UGT2B17: variants seen among roughly 807,000 people sequenced by gnomAD.
The protein encoded by UGT2B17 is UDP glucuronosyltransferase family 2 member B17.
Under a neutral mutation model 48.2 loss-of-function variants are expected in UGT2B17, and 21 were observed. That is an observed-to-expected ratio of 0.44 (90% CI 0.31 to 0.63). The LOEUF is 0.63. Among genes scored for constraint, UGT2B17 ranks in the 20% least tolerant of loss-of-function variants. The probability of loss-of-function intolerance (pLI) is 0.08; values close to 1 mark genes in which losing one functional copy is unlikely to be tolerated. For missense variants in UGT2B17, 402 were observed against 696.1 expected (o/e 0.58, Z 4.75); for synonymous variants, 146 against 238.4 (o/e 0.61, Z 3.57).
rs1242835572 is a variant in UGT2B17 at position 68,537,324 on chromosome 4, G to A, written c.*301C>T. The A allele has an allele frequency of 6.6e-5, 11 of 167,550 alleles. 4 individuals carry two copies. The South Asian group carries it at 2.8e-3, about 43-fold the overall frequency. 10.4% of individuals were successfully genotyped at this position (167,550 alleles called of 1,614,324 possible). ...TGTTTTGTGTTCAAATACAATGTGT[G>A]AAACATAAGGAAGCTCAGTAACTTT... On this transcript the variant is annotated 3_prime_UTR_variant, in exon 7 of 7. Coordinates refer to ENST00000317746, the MANE Select transcript of UGT2B17 (RefSeq NM_001077.4).
chr4:68,559,339 A>G lies in UGT2B17; in HGVS notation c.1005+1198T>C, dbSNP rs1166049191. On this transcript the variant is annotated intron_variant, in intron 4 of 6. Transcript: ENST00000317746. ...CTAACAATGTAGGAAAAAGGAGCCCATTGACAATTCATGATTAACAATACA... is the reference window on the plus strand; with the variant it reads ...CTAACAATGTAGGAAAAAGGAGCCCGTTGACAATTCATGATTAACAATACA... Among the ~76,000 whole-genome samples, 13 of 126,254 alleles carry G rather than the reference A, an allele frequency of 1.0e-4. 4 individuals carry two copies. Among genetic ancestry groups the G allele is most frequent in the East Asian group, 7.7e-4 (1 of 1,306 alleles). 82.8% of individuals were successfully genotyped at this position (126,254 alleles called of 152,430 possible). A position where few individuals can be genotyped will look rare whatever the true frequency, so the allele number is the denominator to read the frequency against.
At position 68,539,616 on chromosome 4, in the gene UGT2B17, A is replaced by G. The variant is rs189416420; in HGVS notation, c.1314-1712T>C. The stretch of plus-strand genomic sequence containing the variant: ...TTTTTAAAAAATATTTTTTATTTTA[A>G]AGAATCAGAGATTGTTTTTAGTTAT... On this transcript the variant is annotated intron_variant, in intron 6 of 6. Transcript: ENST00000317746. Among the ~76,000 whole-genome samples the G allele has an allele frequency of 7.8e-3, 972 of 123,942 alleles. 222 individuals are homozygous for G. Among genetic ancestry groups the G allele is most frequent in the Non-Finnish European group, 0.012 (718 of 59,130 alleles). The allele number at this position is 123,942 out of a possible 152,430, so 81.3% of individuals were successfully genotyped here.
rs77160940 is a variant in UGT2B17, at chr4:68,575,558, T to C, written c.-65+393A>G. Among the ~76,000 whole-genome samples the C allele has an allele frequency of 8.8e-5, 11 of 125,714 alleles. 2 individuals carry two copies. The highest frequency in any genetic ancestry group is 3.0e-4 in the African/African-American group (11 of 36,590). The allele number at this position is 125,714 out of a possible 152,430, so 82.5% of individuals were successfully genotyped here. A position where few individuals can be genotyped will look rare whatever the true frequency, so the allele number is the denominator to read the frequency against. On this transcript the variant is annotated intron_variant, in intron 1 of 6. Transcript: ENST00000317746. ...TACTTTGTGCCTGATCTATGTTTTT[T>C]TGAGACAAAACACCATGCTCACAGC...
At chr4:68,564,092 A>G (rs911375623) in intron 3 of UGT2B17, among the ~76,000 whole-genome samples, 4 of 123,562 alleles carry the variant, frequency 3.2e-5, no homozygotes, top group Admixed American at 8.4e-5. Flanking sequence ...AAAAGTAGTC[A>G]TGATTGCCTA....
chr4:68,553,503 T>C lies in UGT2B17; in HGVS notation c.1006-1592A>G, dbSNP rs1250283642. Reference sequence around the variant, plus strand: ...GGTGCTCTGTTTTCTTTGTGGAGTTTCAAGAGTTGTGGGCAGATTTTTTCT... The same window carrying C: ...GGTGCTCTGTTTTCTTTGTGGAGTTCCAAGAGTTGTGGGCAGATTTTTTCT... On this transcript the variant is annotated intron_variant, in intron 4 of 6. Transcript: ENST00000317746. Among the ~76,000 whole-genome samples the C allele has an allele frequency of 5.6e-5, 7 of 125,944 alleles. 2 individuals carry two copies. The highest frequency in any genetic ancestry group is 1.1e-4 in the African/African-American group (4 of 37,026). 82.6% of individuals were successfully genotyped at this position (125,944 alleles called of 152,430 possible).
chr4:68,572,933 G>A lies in UGT2B17; in HGVS notation c.-65+3018C>T, dbSNP rs1731317171. ...CACGTACAGCTCCCAGTCTACTGATGTACAGTTATGTTTAACTGGGCTCTC... is the reference window on the plus strand; with the variant it reads ...CACGTACAGCTCCCAGTCTACTGATATACAGTTATGTTTAACTGGGCTCTC... On this transcript the variant is annotated intron_variant, in intron 1 of 6. Coordinates refer to ENST00000317746, the MANE Select transcript of UGT2B17 (RefSeq NM_001077.4). 1.6e-5 allele frequency among the ~76,000 whole-genome samples: 2 copies of A among 126,690 alleles called. 1 individual carries two copies. The highest frequency in any genetic ancestry group is 3.3e-5 in the Non-Finnish European group (2 of 59,724). 83.1% of individuals were successfully genotyped at this position (126,690 alleles called of 152,430 possible).
In UGT2B17 at chr4:68,549,146, A is replaced by G. The variant is rs1420379408; in HGVS notation, c.1313+1531T>C. 1.2e-4 allele frequency among the ~76,000 whole-genome samples: 14 copies of G among 112,954 alleles called. 2 individuals are homozygous for G. Among genetic ancestry groups the G allele is most frequent in the African/African-American group, 5.2e-4 (14 of 26,738 alleles). The allele number at this position is 112,954 out of a possible 152,430, so 74.1% of individuals were successfully genotyped here. Reference sequence around the variant, plus strand: ...TTTCTTGTCTTACTAATTTTTTGGTAAAGTGTTTTTAATGTATTCTCTTAG... The same window carrying G: ...TTTCTTGTCTTACTAATTTTTTGGTGAAGTGTTTTTAATGTATTCTCTTAG... On this transcript the variant is annotated intron_variant, in intron 6 of 6. Transcript: ENST00000317746.
At chr4:68,538,008 G>T in intron 6 of UGT2B17, 104 bp from the exon 7 acceptor site, 1 of 826,510 alleles carries the variant, frequency 1.2e-6, no homozygotes, top group Non-Finnish European at 1.6e-6. Context: ...GTGATTCAAA[G>T]TAAGTGTCAT....
intron 4 of UGT2B17, among the ~76,000 whole-genome samples, chr4:68,553,135 T>C (rs1730945460): frequency 7.9e-6 from 1 of 125,884 alleles, no homozygotes; most frequent in Non-Finnish European, 1.7e-5. Context: ...GAGTATTTTT[T>C]TTGTACATTC....
intron 1 of UGT2B17, among the ~76,000 whole-genome samples, chr4:68,569,663 G>A (rs1211940383): frequency 7.9e-6 from 1 of 126,034 alleles, no homozygotes; most frequent in Non-Finnish European, 1.7e-5. Flanking sequence ...GATAGCAGAA[G>A]CAGGAAGAGA....
chr4:68,568,202 C>G lies in UGT2B17; in HGVS notation c.283G>C (p.Asp95His). ...TTTGAAATACTATATGTCCATCTAT[C>G]GAACATTTTCATAAAAAAATCTTCC... is the stretch of plus-strand genomic sequence containing the variant. ...DLEDFFMKMF[D>H]RWTYSISKNT... The change falls in exon 2 of 7, where the codon GAT becomes CAT. Residue 95 changes from aspartate (D) to histidine (H), a missense_variant. This residue lies in a region of UGT2B17 where 84 missense variants were observed against 92.6 expected (regional missense o/e 0.91). Transcript: ENST00000317746. 2.2e-6 allele frequency: 3 copies of G among 1,372,692 alleles called. 1 individual carries two copies. The highest frequency in any genetic ancestry group is 2.9e-6 in the Non-Finnish European group (3 of 1,051,990). 85.0% of individuals were successfully genotyped at this position (1,372,692 alleles called of 1,614,324 possible). A position where few individuals can be genotyped will look rare whatever the true frequency, so the allele number is the denominator to read the frequency against.
rs749202776 is a variant in UGT2B17 at position 68,550,848 on chromosome 4, A to T, written c.1142T>A (p.Ile381Asn). The T allele has an allele frequency of 1.0e-5, 14 of 1,377,426 alleles. 4 individuals carry two copies. In the South Asian group the frequency reaches 1.9e-4, roughly 18 times the overall value. 85.3% of individuals were successfully genotyped at this position (1,377,426 alleles called of 1,614,324 possible). A position where few individuals can be genotyped will look rare whatever the true frequency, so the allele number is the denominator to read the frequency against. Residue 381 changes from isoleucine (I) to asparagine (N), a missense_variant, in exon 6 of 7, where the codon ATC (isoleucine) becomes AAC (asparagine). Ile to Asn is a moderately radical substitution (Grantham distance 149). Transcript: ENST00000317746. ...GATCCCATGGTAGATTGCCTCATAG[A>T]TGCCATTGGTTCCACCATGAGTTAT... ...AFITHGGTNG[I>N]YEAIYHGIPM...
rs556701204 is a variant in UGT2B17 at position 68,541,046 on chromosome 4, A to G, written c.1314-3142T>C. 2.1e-4 allele frequency among the ~76,000 whole-genome samples: 27 copies of G among 125,718 alleles called. 4 individuals carry two copies. Among genetic ancestry groups the G allele is most frequent in the Admixed American group, 5.7e-4 (7 of 12,174 alleles). The allele number at this position is 125,718 out of a possible 152,430, so 82.5% of individuals were successfully genotyped here. A position where few individuals can be genotyped will look rare whatever the true frequency, so the allele number is the denominator to read the frequency against. ...TCATATTTTCTTTATCCAGTCTATC[A>G]TTGATGAGTATTTGTGTTGGTTCCA... is the stretch of plus-strand genomic sequence containing the variant. On this transcript the variant is annotated intron_variant, in intron 6 of 6. Transcript: ENST00000317746.
Position 68,558,283 on chromosome 4 carries a change from G to T in UGT2B17, c.1005+2254C>A. On this transcript the variant is annotated intron_variant, in intron 4 of 6. Transcript: ENST00000317746. ...CTAATGTTTTTCAATTTTTATTACT[G>T]TCTACAGTTTGGACTGAATTCTAAT... Among the ~76,000 whole-genome samples the T allele has an allele frequency of 1.6e-5, 2 of 124,366 alleles. 1 individual carries two copies. The highest frequency in any genetic ancestry group is 3.4e-5 in the Non-Finnish European group (2 of 58,652). The allele number at this position is 124,366 out of a possible 152,430, so 81.6% of individuals were successfully genotyped here. A position where few individuals can be genotyped will look rare whatever the true frequency, so the allele number is the denominator to read the frequency against.
chr4:68,564,581 GC>G (rs1321781597), intron 3 of UGT2B17, among the ~76,000 whole-genome samples: 1 of 124,848 alleles, frequency 8.0e-6, no homozygotes, highest in Non-Finnish European at 1.7e-5. Flanking sequence ...AAGCCACCAC[GC>G]CCGGCCCATC....
Position 68,563,404 on chromosome 4 carries a change from G to T in UGT2B17, c.873+2168C>A, listed in dbSNP as rs1198769581. ...GCAAGTGGATCACCTGAGGTCAGGA[G>T]TTCGAGACCAGCCTGGCCAACATGG... is the stretch of plus-strand genomic sequence containing the variant. On this transcript the variant is annotated intron_variant, in intron 3 of 6. Transcript: ENST00000317746. Among the ~76,000 whole-genome samples the T allele has an allele frequency of 2.4e-5, 3 of 126,814 alleles. 1 individual carries two copies. The highest frequency in any genetic ancestry group is 5.0e-5 in the Non-Finnish European group (3 of 59,734). The allele number at this position is 126,814 out of a possible 152,430, so 83.2% of individuals were successfully genotyped here. A position where few individuals can be genotyped will look rare whatever the true frequency, so the allele number is the denominator to read the frequency against.
rs932146941 is a variant in UGT2B17 at position 68,550,350 on chromosome 4, TATTGA to T, written c.1313+322_1313+326del. On this transcript the variant is annotated intron_variant, in intron 6 of 6. Transcript: ENST00000317746. ...GATTCATACTTTCAGAAATTTTAGG[TATTGA>T]ATTGAAATATTTTATCATATTTCTC... 2.4e-5 allele frequency among the ~76,000 whole-genome samples: 3 copies of T among 125,812 alleles called. 1 individual carries two copies. Among genetic ancestry groups the T allele is most frequent in the East Asian group, 1.5e-3 (2 of 1,358 alleles). The allele number at this position is 125,812 out of a possible 152,430, so 82.5% of individuals were successfully genotyped here.
intron 4 of UGT2B17, among the ~76,000 whole-genome samples, chr4:68,560,019 G>C (rs1178881595): frequency 7.5e-6 from 1 of 132,620 alleles, no homozygotes; most frequent in African/African-American, 2.6e-5. Context: ...ACCCTGAACA[G>C]AACGCTAAAT....
Position 68,568,289 on chromosome 4 carries a change from C to T in UGT2B17, c.196G>A (p.Ala66Thr). 1 of 1,377,026 alleles carries T rather than the reference C, an allele frequency of 7.3e-7. No individual in the cohort carries two copies. The highest frequency in any genetic ancestry group is 9.5e-7 in the Non-Finnish European group (1 of 1,054,352). The allele number at this position is 1,377,026 out of a possible 1,614,324, so 85.3% of individuals were successfully genotyped here. The change falls in exon 2 of 7, where the codon GCC (alanine) becomes ACC (threonine). Residue 66 changes from alanine to threonine, a missense_variant. Around this residue, in one of 5 missense-constraint regions of UGT2B17, gnomAD observed 51 missense variants for 108.7 expected, o/e 0.47. Coordinates refer to ENST00000317746, the MANE Select transcript of UGT2B17 (RefSeq NM_001077.4). ...AATTTAATAGCAGATGATTTACTGG[C>T]ATTGACAAGAATAGAAGCCGAAGAT... ...LTSSASILVN[A>T]SKSSAIKLEV... is the part of the protein sequence containing the mutation.
Sources: allele counts gnomAD v4.1 joint callset (sites outside exome capture counted in the v4.1 genomes callset), GRCh38; gene constraint gnomAD v4.1.1; regional missense constraint gnomAD v4.1.1; transcripts MANE v1.5; gene names NCBI Gene and HGNC (gene_info 2026-07-23, HGNC 2026-07-21).